Variants in ADGRE5 observed in about 807,000 individuals in gnomAD.
ADGRE5 encodes the protein adhesion G protein-coupled receptor E5.
In ADGRE5, 72 loss-of-function variants were observed where a neutral mutation model predicts 100.3. That is an observed-to-expected ratio of 0.72 (90% CI 0.59 to 0.87). The LOEUF is 0.87. ADGRE5 is among the 40% of genes least tolerant of loss of function. The pLI, the probability that ADGRE5 is intolerant of heterozygous loss-of-function variation, is 0.00. For missense variants in ADGRE5, 959 were observed against 1,094.7 expected, an observed-to-expected ratio of 0.88 and a Z score of 1.75; for synonymous variants, 439 against 447.8, an observed-to-expected ratio of 0.98 and a Z score of 0.25.
At chr19:14,386,478 C>T (rs1297869779) in intron 1 of ADGRE5, 2 of 143,496 alleles carry the variant, frequency 1.4e-5, no homozygotes, top group Admixed American at 7.1e-5. Context: ...ATCATGAGGT[C>T]AGGAGATCAA....
rs376677729 is a variant in ADGRE5, at chr19:14,401,531, G to A, written c.1043G>A (p.Gly348Asp). The A allele has an allele frequency of 3.2e-4, 512 of 1,613,980 alleles. 1 individual carries two copies. Among genetic ancestry groups the A allele is most frequent in the Non-Finnish European group, 3.9e-4 (465 of 1,180,016 alleles). The part of the protein sequence containing the change: ...MRILAKSLPK[G>D]PFTYISPSNT... ...ATCCTGGCCAAGAGCCTGCCTAAAG[G>A]CCCCTTCACCTACATTTCCCCTTCG... The change falls in exon 10 of 20, where the codon GGC (glycine) becomes GAC (aspartate). Residue 348 changes from glycine (G) to aspartate (D), a missense_variant. Gly to Asp is a moderately conservative substitution (Grantham distance 94, BLOSUM62 -1). Around this residue, in one of 6 missense-constraint regions of ADGRE5, gnomAD observed 246 missense variants for 242.2 expected, o/e 1.02. Transcript: ENST00000242786. This position sits in a 1 kb window ranked among gnomAD's most constrained non-coding sequence, Gnocchi z 4.1.
Position 14,386,378 on chromosome 19 carries a change from C to CAAA in ADGRE5, c.23-2048_23-2046dup, listed in dbSNP as rs747651350. Reference sequence around the variant, plus strand: ...TGGGCAACAGAGCAAGACTCCATCTCAAAAAAAAAAAAAAAAAAAAAAAAA... The same window carrying CAAA: ...TGGGCAACAGAGCAAGACTCCATCTCAAAAAAAAAAAAAAAAAAAAAAAAAAAA... On this transcript the variant is annotated intron_variant, in intron 1 of 19. Transcript: ENST00000242786. 4.4e-4 allele frequency: 6 copies of CAAA among 13,622 alleles called. 1 individual carries two copies. The highest frequency in any genetic ancestry group is 4.1e-3 in the South Asian group (2 of 484). 0.8% of individuals were successfully genotyped at this position (13,622 alleles called of 1,614,324 possible).
At position 14,406,276 on chromosome 19, in the gene ADGRE5, C is replaced by T; in HGVS notation, c.1822-55C>T. 7.3e-7 allele frequency: 1 copy of T among 1,365,402 alleles called. No homozygotes were observed. Among genetic ancestry groups the T allele is most frequent in the South Asian group, 1.3e-5 (1 of 74,996 alleles). 84.6% of individuals were successfully genotyped at this position (1,365,402 alleles called of 1,614,324 possible). On this transcript the variant is annotated intron_variant, in intron 14 of 19. Coordinates refer to ENST00000242786, the MANE Select transcript of ADGRE5 (RefSeq NM_078481.4). This position sits in a 1 kb window ranked among gnomAD's most constrained non-coding sequence, Gnocchi z 6.0. ...ACCTGGCAGGCGACTGGCTCTGGCG[C>T]CGCATGCCCCTCCCCGCGCTGACGT...
chr19:14,407,213 G>A lies in ADGRE5; in HGVS notation c.2360G>A (p.Cys787Tyr). Reference sequence around the variant, plus strand: ...GGCGCCTTCCTCTACCTGCTGCACTGCCTGCTCAACAAGAAGGTGGGGGCC... The same window carrying A: ...GGCGCCTTCCTCTACCTGCTGCACTACCTGCTCAACAAGAAGGTGGGGGCC... ...LQGAFLYLLH[C>Y]LLNKKVREEY... The change falls in exon 18 of 20, where the codon TGC (cysteine) becomes TAC (tyrosine). Residue 787 changes from cysteine (C) to tyrosine (Y), a missense_variant. This residue lies in a region of ADGRE5 where 428 missense variants were observed against 386.2 expected (regional missense o/e 1.11). Transcript: ENST00000242786. 2 of 1,613,990 alleles carry A rather than the reference G, an allele frequency of 1.2e-6. No homozygotes were observed. The highest frequency in any genetic ancestry group is 2.7e-5 in the African/African-American group (2 of 75,062).
intron 12 of ADGRE5, 94 bp from the exon 13 acceptor site, chr19:14,404,289 C>T: frequency 2.6e-6 from 3 of 1,151,090 alleles, no homozygotes; most frequent in Non-Finnish European, 3.7e-6. Flanking sequence ...CAATACTCAT[C>T]TAGTAAAAAG....
Position 14,396,341 on chromosome 19 carries a change from G to T in ADGRE5, c.347-1G>T, listed in dbSNP as rs374358158. On this transcript the variant is annotated splice_acceptor_variant, in intron 4 of 19. Coordinates refer to ENST00000242786, the MANE Select transcript of ADGRE5 (RefSeq NM_078481.4). LOFTEE classifies it high-confidence loss of function. The stretch of plus-strand genomic sequence containing the variant: ...CCTTCACCCTCTCCTTCCTCTTGCA[G>T]ATGTGGACGAATGTCAGCAGAACCC... The T allele has an allele frequency of 1.2e-5, 20 of 1,614,276 alleles. No homozygotes were observed. The highest frequency in any genetic ancestry group is 1.5e-5 in the Non-Finnish European group (18 of 1,180,050).
intron 1 of ADGRE5, among the ~76,000 whole-genome samples, chr19:14,384,200 G>A (rs1186768605): frequency 6.6e-6 from 1 of 151,680 alleles, no homozygotes; most frequent in Non-Finnish European, 1.5e-5. Flanking sequence ...GGCTTGGGCT[G>A]GGGGGTTTCG....
In ADGRE5 at chr19:14,406,838, C is replaced by T. The variant is rs748470138; in HGVS notation, c.2116-31C>T. On this transcript the variant is annotated intron_variant, in intron 16 of 19. Transcript: ENST00000242786. This position sits in a 1 kb window ranked among gnomAD's most constrained non-coding sequence, Gnocchi z 6.0. ...AGGCCCGGCTGGACCATCGCTCTCG[C>T]CCTCTAACCCACAATCTGCTCCCTG... The T allele has an allele frequency of 6.2e-7, 1 of 1,611,960 alleles. No homozygotes were observed. The highest frequency in any genetic ancestry group is 2.2e-5 in the East Asian group (1 of 44,880).
chr19:14,402,979 T>A, intron 12 of ADGRE5, 117 bp downstream of exon 12: 1 of 899,700 alleles, frequency 1.1e-6, no homozygotes, highest in Non-Finnish European at 1.7e-6. Context: ...TCTGGCCTTC[T>A]GATTTGGGCC....
rs1446879637 is a variant in ADGRE5 at position 14,402,467 on chromosome 19, G to C, written c.1184-130G>C. 5 of 840,672 alleles carry C rather than the reference G, an allele frequency of 5.9e-6. No homozygotes were observed. In the African/African-American group the frequency reaches 8.6e-5, roughly 14 times the overall value. 52.1% of individuals were successfully genotyped at this position (840,672 alleles called of 1,614,324 possible). A position where few individuals can be genotyped will look rare whatever the true frequency, so the allele number is the denominator to read the frequency against. ...AAAAAACAAGGAACAACTAGAAACTGACTCATCGGGAGGGGCTCCTGGCGT... is the reference window on the plus strand; with the variant it reads ...AAAAAACAAGGAACAACTAGAAACTCACTCATCGGGAGGGGCTCCTGGCGT... On this transcript the variant is annotated intron_variant, in intron 11 of 19. Coordinates refer to ENST00000242786, the MANE Select transcript of ADGRE5 (RefSeq NM_078481.4).
intron 1 of ADGRE5, among the ~76,000 whole-genome samples, chr19:14,387,238 C>T (rs979084223): frequency 2.0e-5 from 3 of 151,902 alleles, no homozygotes; most frequent in Non-Finnish European, 4.4e-5. Context: ...CTTAGCCACT[C>T]CCCACACACC....
chr19:14,407,520 C>A (rs1295667004), intron 18 of ADGRE5, among the ~76,000 whole-genome samples: 1 of 151,806 alleles, frequency 6.6e-6, no homozygotes, highest in African/African-American at 2.4e-5. Context: ...CATGGTGGCA[C>A]ACGCCTGTAG....
rs752231891 is a variant in ADGRE5 at position 14,406,816 on chromosome 19, C to G, written c.2115+50C>G. The G allele has an allele frequency of 1.2e-6, 2 of 1,611,048 alleles. No individual in the cohort carries two copies. Among genetic ancestry groups the G allele is most frequent in the Middle Eastern group, 3.3e-4 (2 of 6,052 alleles). ...GAAGCCCGAGCGCCACAGGCCCAGG[C>G]CCGGCTGGACCATCGCTCTCGCCCT... On this transcript the variant is annotated intron_variant, in intron 16 of 19. Coordinates refer to ENST00000242786, the MANE Select transcript of ADGRE5 (RefSeq NM_078481.4). The surrounding 1 kb of genome is among the most constrained non-coding windows in gnomAD (Gnocchi z 6.0).
intron 8 of ADGRE5, 53 bp downstream of exon 8, chr19:14,397,988 G>A: frequency 6.6e-7 from 1 of 1,506,512 alleles, no homozygotes; most frequent in Non-Finnish European, 9.2e-7. Flanking sequence ...ACACAGCACT[G>A]CATCCGTCTC....
chr19:14,406,029 A>G lies in ADGRE5; in HGVS notation c.1821+90A>G, dbSNP rs1045927817. On this transcript the variant is annotated intron_variant, in intron 14 of 19. Coordinates refer to ENST00000242786, the MANE Select transcript of ADGRE5 (RefSeq NM_078481.4). The surrounding 1 kb of genome is among the most constrained non-coding windows in gnomAD (Gnocchi z 6.0). The stretch of plus-strand genomic sequence containing the variant: ...GCCCACTCCCGGGGCTCAGTCGGGT[A>G]GGCGGGCCCTGGAGGCATGAGGCCC... The G allele has an allele frequency of 8.3e-7, 1 of 1,207,078 alleles. No individual in the cohort carries two copies. The highest frequency in any genetic ancestry group is 1.1e-6 in the Non-Finnish European group (1 of 882,164). The allele number at this position is 1,207,078 out of a possible 1,614,324, so 74.8% of individuals were successfully genotyped here. A position where few individuals can be genotyped will look rare whatever the true frequency, so the allele number is the denominator to read the frequency against.
At chr19:14,400,309 C>G (rs922578388) in intron 9 of ADGRE5, among the ~76,000 whole-genome samples, 1 of 151,966 alleles carries the variant, frequency 6.6e-6, no homozygotes, top group Non-Finnish European at 1.5e-5. Flanking sequence ...TGTGAGCCAC[C>G]GCGCCCAGCC....
At chr19:14,393,912 T>A (rs1263279414) in intron 4 of ADGRE5, among the ~76,000 whole-genome samples, 15 of 152,134 alleles carry the variant, frequency 9.9e-5, no homozygotes, top group Non-Finnish European at 7.4e-5. Context: ...GGTGGATACA[T>A]TTGACAAACA....
At position 14,388,440 on chromosome 19, in the gene ADGRE5, T is replaced by C. The variant is rs1975438228; in HGVS notation, c.23-10T>C. 3 of 1,586,938 alleles carry C rather than the reference T, an allele frequency of 1.9e-6. No individual in the cohort carries two copies. The East Asian group carries it at 6.8e-5, about 36-fold the overall frequency. ...ATCCCCTCTGACCCCCTTTCCTTTC[T>C]CTGTTGCAGCATTCTGTGTCTGGCT... On this transcript the variant is annotated splice_polypyrimidine_tract_variant and intron_variant, in intron 1 of 19. Coordinates refer to ENST00000242786, the MANE Select transcript of ADGRE5 (RefSeq NM_078481.4).
At chr19:14,384,925 T>C (rs919461382) in intron 1 of ADGRE5, among the ~76,000 whole-genome samples, 34 of 148,724 alleles carry the variant, frequency 2.3e-4, no homozygotes, top group Admixed American at 1.8e-3. Flanking sequence ...CCTCTCTGTC[T>C]CCGTCTCTGT....
Sources: gnomAD v4.1 joint callset for allele counts (sites outside exome capture counted in the v4.1 genomes callset) on GRCh38, gnomAD v4.1.1 for gene constraint, gnomAD v4.1.1 regional missense constraint, Gnocchi (gnomAD v3.1) non-coding constraint, MANE v1.5 for transcripts, NCBI Gene and HGNC (gene_info 2026-07-23, HGNC 2026-07-21) for gene names.